Variants in CDC73 observed in about 807,000 individuals in gnomAD.
CDC73 encodes parafibromin.
Under a neutral mutation model 83.7 loss-of-function variants are expected in CDC73, and 21 were observed. That is an observed-to-expected ratio of 0.25 (90% confidence interval 0.18 to 0.36). The LOEUF (loss-of-function observed/expected upper bound fraction) is 0.36, where lower values mean the gene tolerates loss of function less well. Ranked by LOEUF, CDC73 falls within the 10% of genes least tolerant of loss-of-function variation. The probability of loss-of-function intolerance (pLI) is 1.00; values close to 1 mark genes in which losing one functional copy is unlikely to be tolerated. For missense variants in CDC73, 342 were observed against 653.3 expected (o/e 0.52, Z 5.19); for synonymous variants, 224 against 212.9 (o/e 1.05, Z -0.45).
At chr1:193,135,354 A>G (rs2103121399) in intron 3 of CDC73, 37 bp from the exon 4 acceptor site, 1 of 1,504,512 alleles carries the variant, frequency 6.6e-7, no homozygotes, top group East Asian at 2.3e-5. Flanking sequence ...TATATGTTGA[A>G]ATAGTAATCC....
At chr1:193,183,143 A>G (rs886231103) in intron 10 of CDC73, among the ~76,000 whole-genome samples, 3 of 151,864 alleles carry the variant, frequency 2.0e-5, no homozygotes, top group African/African-American at 7.3e-5. Flanking sequence ...AAATTCACAT[A>G]CATAACGTTA....
At chr1:193,133,335 T>C (rs1348628315) in intron 3 of CDC73, among the ~76,000 whole-genome samples, 1 of 152,232 alleles carries the variant, frequency 6.6e-6, no homozygotes, top group Non-Finnish European at 1.5e-5. Flanking sequence ...GCTAAAGATG[T>C]TGGTTCTTAA....
Position 193,122,250 on chromosome 1 carries a change from A to G in CDC73, c.50A>G (p.Glu17Gly). The change falls in exon 1 of 17, where the codon GAG (glutamate) becomes GGG (glycine). Residue 17 changes from glutamate to glycine, a missense_variant. This residue lies in a region of CDC73 where 99 missense variants were observed against 174.5 expected (regional missense o/e 0.57). Coordinates refer to ENST00000367435, the MANE Select transcript of CDC73 (RefSeq NM_024529.5). ...VLRQYNIQKK[E>G]IVVKGDEVIF... ...CGACAGTACAACATCCAGAAGAAGG[A>G]GATTGTGGTGAAGGGAGACGAAGTG... The G allele has an allele frequency of 6.2e-7, 1 of 1,614,084 alleles. No individual in the cohort carries two copies. The highest frequency in any genetic ancestry group is 1.1e-5 in the South Asian group (1 of 91,076).
chr1:193,221,511 C>T (rs532912031), intron 13 of CDC73, among the ~76,000 whole-genome samples: 27 of 151,968 alleles, frequency 1.8e-4, no homozygotes, highest in South Asian at 1.2e-3. Flanking sequence ...ATAAATATAT[C>T]TAACTGGTTA....
chr1:193,248,742 T>C lies in CDC73; in HGVS notation c.1418-988T>C, dbSNP rs144840300. ...TTCAGTGGAGGAAATAAAGATAGGG[T>C]GTGGAAATAGCAAGTGAACTAGCAT... On this transcript the variant is annotated intron_variant, in intron 15 of 16. Coordinates refer to ENST00000367435, the MANE Select transcript of CDC73 (RefSeq NM_024529.5). Among the ~76,000 whole-genome samples, 314 of 152,014 alleles carry C rather than the reference T, an allele frequency of 2.1e-3. 1 individual carries two copies. The highest frequency in any genetic ancestry group is 7.3e-3 in the African/African-American group (302 of 41,496).
chr1:193,195,768 G>A (rs1258253259), intron 10 of CDC73, among the ~76,000 whole-genome samples: 2 of 152,064 alleles, frequency 1.3e-5, no homozygotes, highest in East Asian at 1.9e-4. Flanking sequence ...GTGATGTCTG[G>A]TGTATTTTCA....
chr1:193,218,883 A>G (rs1232359432), intron 13 of CDC73, among the ~76,000 whole-genome samples: 1 of 152,260 alleles, frequency 6.6e-6, no homozygotes, highest in East Asian at 1.9e-4. Context: ...TCAAAAGCAA[A>G]TGCAGCAAAA....
At chr1:193,247,259 G>A (rs1045217907) in intron 15 of CDC73, among the ~76,000 whole-genome samples, 1 of 151,994 alleles carries the variant, frequency 6.6e-6, no homozygotes, top group Non-Finnish European at 1.5e-5. Flanking sequence ...GGTGATATGG[G>A]ACTAGTGATC....
In CDC73 at chr1:193,122,253, T is replaced by C; in HGVS notation, c.53T>C (p.Ile18Thr). 2 of 1,613,768 alleles carry C rather than the reference T, an allele frequency of 1.2e-6. No homozygotes were observed. The highest frequency in any genetic ancestry group is 1.7e-6 in the Non-Finnish European group (2 of 1,179,862). Residue 18 changes from isoleucine to threonine, a missense_variant, in exon 1 of 17, where the codon ATT becomes ACT. This residue lies in a region of CDC73 where 99 missense variants were observed against 174.5 expected (regional missense o/e 0.57). Transcript: ENST00000367435. ...CAGTACAACATCCAGAAGAAGGAGA[T>C]TGTGGTGAAGGGAGACGAAGTGATC... ...LRQYNIQKKE[I>T]VVKGDEVIFG...
intron 1 of CDC73, among the ~76,000 whole-genome samples, chr1:193,123,575 T>C (rs1163404820): frequency 6.6e-6 from 1 of 152,228 alleles, no homozygotes; most frequent in Admixed American, 6.5e-5. Flanking sequence ...ATTAGCTTTA[T>C]AAAATGTTGA....
chr1:193,225,806 C>T (rs1264244623), intron 13 of CDC73, among the ~76,000 whole-genome samples: 8 of 151,910 alleles, frequency 5.3e-5, no homozygotes, highest in Non-Finnish European at 1.2e-4. Flanking sequence ...GATATTAGTC[C>T]TTTGTCAGAG....
intron 1 of CDC73, among the ~76,000 whole-genome samples, chr1:193,123,285 T>C (rs1313663829): frequency 6.6e-6 from 1 of 152,216 alleles, no homozygotes; most frequent in African/African-American, 2.4e-5. Context: ...TGGAGTGCAG[T>C]GGCGCGATCT....
intron 11 of CDC73, among the ~76,000 whole-genome samples, chr1:193,204,059 A>C (rs1299814285): frequency 6.6e-6 from 1 of 151,996 alleles, no homozygotes; most frequent in Non-Finnish European, 1.5e-5. Context: ...TTCAGTCAGC[A>C]TCATTAGTAA....
chr1:193,249,603 T>C (rs1485147163), intron 15 of CDC73, 127 bp from the exon 16 acceptor site: 10 of 742,150 alleles, frequency 1.3e-5, no homozygotes, highest in Non-Finnish European at 2.3e-5. Context: ...ACCCTGAATG[T>C]TTTTAAAGAT....
chr1:193,151,308 T>C (rs933986398), intron 9 of CDC73, among the ~76,000 whole-genome samples: 2 of 152,246 alleles, frequency 1.3e-5, no homozygotes, highest in Non-Finnish European at 2.9e-5. Flanking sequence ...GTTAAAGGCA[T>C]GCACTGGATA....
At chr1:193,141,698 T>A (rs1412877231) in intron 6 of CDC73, 152 bp from the exon 7 acceptor site, 1 of 615,334 alleles carries the variant, frequency 1.6e-6, no homozygotes, top group East Asian at 2.8e-5. Flanking sequence ...TTTTATATAA[T>A]TGCAGAATAG....
chr1:193,202,534 A>C (rs1467404095), intron 10 of CDC73, among the ~76,000 whole-genome samples: 1 of 152,018 alleles, frequency 6.6e-6, no homozygotes, highest in Non-Finnish European at 1.5e-5. Context: ...CTCAGTAGTA[A>C]ATACACCAAT....
intron 11 of CDC73, 43 bp downstream of exon 11, chr1:193,203,895 C>T (rs773585604): frequency 6.6e-6 from 10 of 1,524,126 alleles, no homozygotes; most frequent in African/African-American, 1.4e-5. Flanking sequence ...TTCAAAAGAT[C>T]GTAACAGTGC....
At chr1:193,222,850 C>T (rs1239876941) in intron 13 of CDC73, among the ~76,000 whole-genome samples, 1 of 146,720 alleles carries the variant, frequency 6.8e-6, no homozygotes, top group Non-Finnish European at 1.5e-5. Context: ...TAGACCTTCT[C>T]ATTCTATCTT....
Sources: gnomAD v4.1 joint callset for allele counts (sites outside exome capture counted in the v4.1 genomes callset) on GRCh38, gnomAD v4.1.1 for gene constraint, gnomAD v4.1.1 regional missense constraint, MANE v1.5 for transcripts, NCBI Gene and HGNC (gene_info 2026-07-23, HGNC 2026-07-21) for gene names.